POGLUT2: variants seen among roughly 807,000 people sequenced by gnomAD.
POGLUT2 encodes the protein ER protein 58.
Under a neutral mutation model 57.6 loss-of-function variants are expected in POGLUT2, and 47 were observed. The ratio of observed to expected loss-of-function variants is 0.82; its 90% CI spans 0.65 to 1.04. POGLUT2 has a LOEUF of 1.04. Among genes scored for constraint, POGLUT2 ranks in the 50% least tolerant of loss-of-function variants. The pLI is 0.00. For missense variants in POGLUT2, 565 were observed against 614.8 expected (o/e 0.92, Z 0.86); for synonymous variants, 200 against 218.8 (o/e 0.91, Z 0.76).
intron 1 of POGLUT2, 69 bp downstream of exon 1, chr13:102,798,420 A>G (rs1173037137): frequency 4.2e-6 from 6 of 1,428,250 alleles, no homozygotes; most frequent in Middle Eastern, 3.7e-4. Flanking sequence ...TCTTGGAAAG[A>G]AAAATCTTAA....
chr13:102,796,694 AAAAAAATAT>A (rs1185548175), intron 2 of POGLUT2, 101 bp downstream of exon 2: 11 of 155,028 alleles, frequency 7.1e-5, no homozygotes, highest in Non-Finnish European at 9.1e-5. Flanking sequence ...AAAAAAAAAA[AAAAAAATAT>A]ATATATATAT....
At chr13:102,790,255 G>A (rs1015934623) in intron 6 of POGLUT2, among the ~76,000 whole-genome samples, 33 of 152,180 alleles carry the variant, frequency 2.2e-4, no homozygotes, top group Admixed American at 2.0e-3. Context: ...GACAGAACTC[G>A]TTAATCACTT....
chr13:102,787,577 G>A (rs910721231), intron 8 of POGLUT2, among the ~76,000 whole-genome samples: 7 of 152,110 alleles, frequency 4.6e-5, no homozygotes, highest in African/African-American at 1.7e-4. Flanking sequence ...TAGGATCAGA[G>A]GCCAATTTCT....
chr13:102,784,516 C>T lies in POGLUT2; in HGVS notation c.1492-4G>A, dbSNP rs200507003. On this transcript the variant is annotated splice_polypyrimidine_tract_variant and splice_region_variant and intron_variant, in intron 9 of 9. Transcript: ENST00000376004. ...CATATCAGAGTTCATCTTTGGTCTG[C>T]AATTAAGAAGCAAAATATTTAGAGC... The T allele has an allele frequency of 7.2e-6, 11 of 1,528,720 alleles. No homozygotes were observed. The Middle Eastern group carries it at 5.1e-4, about 71-fold the overall frequency. The allele number at this position is 1,528,720 out of a possible 1,614,324, so 94.7% of individuals were successfully genotyped here. A position where few individuals can be genotyped will look rare whatever the true frequency, so the allele number is the denominator to read the frequency against.
intron 9 of POGLUT2, among the ~76,000 whole-genome samples, chr13:102,785,214 G>T (rs1877892204): frequency 6.6e-6 from 1 of 152,118 alleles, no homozygotes; most frequent in Admixed American, 6.6e-5. Context: ...ATGATTCCAA[G>T]CTACCAAAAA....
intron 6 of POGLUT2, among the ~76,000 whole-genome samples, chr13:102,790,682 C>T (rs1878129597): frequency 1.3e-5 from 2 of 152,178 alleles, no homozygotes; most frequent in African/African-American, 4.8e-5. Flanking sequence ...TATCCAGGCT[C>T]CAAACTCCCT....
chr13:102,790,926 T>C lies in POGLUT2; in HGVS notation c.1058A>G (p.His353Arg), dbSNP rs1278487621. The C allele has an allele frequency of 5.6e-6, 9 of 1,609,718 alleles. No homozygotes were observed. The highest frequency in any genetic ancestry group is 1.3e-5 in the African/African-American group (1 of 74,970). ...CTTGAAGAAATCAAAAAATGAAATATGTTTCACAATGGGACCATACAGGTT... is the reference window on the plus strand; with the variant it reads ...CTTGAAGAAATCAAAAAATGAAATACGTTTCACAATGGGACCATACAGGTT... Reference protein sequence around the residue: ...DENLYGPIVKHISFFDFFKHK... With the variant: ...DENLYGPIVKRISFFDFFKHK... Residue 353 changes from histidine (H) to arginine (R), a missense_variant, in exon 6 of 10, where the codon CAT (histidine) becomes CGT (arginine). Coordinates refer to ENST00000376004, the MANE Select transcript of POGLUT2 (RefSeq NM_024089.3).
chr13:102,796,313 T>TAAA (rs1289200864), intron 2 of POGLUT2, among the ~76,000 whole-genome samples: 5 of 128,730 alleles, frequency 3.9e-5, no homozygotes, highest in Non-Finnish European at 1.6e-5. Context: ...AAAAAAAAAA[T>TAAA]AAATAAATAA....
intron 1 of POGLUT2, 140 bp downstream of exon 1, chr13:102,798,349 G>T: frequency 1.5e-6 from 1 of 679,004 alleles, no homozygotes; most frequent in Non-Finnish European, 2.4e-6. Context: ...AATTTCTACA[G>T]CTACAGAGAA....
chr13:102,787,460 T>A (rs1877993155), intron 8 of POGLUT2, among the ~76,000 whole-genome samples: 1 of 151,708 alleles, frequency 6.6e-6, no homozygotes, highest in South Asian at 2.1e-4. Context: ...TCATACAGAG[T>A]CAAGACAAGA....
At chr13:102,785,011 G>A (rs1314994202) in intron 9 of POGLUT2, among the ~76,000 whole-genome samples, 2 of 152,148 alleles carry the variant, frequency 1.3e-5, no homozygotes, top group Non-Finnish European at 2.9e-5. Flanking sequence ...GGCAATTCTT[G>A]TTTTATCATT....
At chr13:102,793,269 T>C (rs1320967768) in intron 4 of POGLUT2, 72 bp downstream of exon 4, 4 of 843,684 alleles carry the variant, frequency 4.7e-6, no homozygotes, top group Non-Finnish European at 8.0e-6. Flanking sequence ...GTATAATTTG[T>C]ATTTTGAAAA....
Position 102,798,939 on chromosome 13 carries a change from G to A in POGLUT2, c.-269C>T, listed in dbSNP as rs1452936199. The A allele has an allele frequency of 2.3e-6, 1 of 429,628 alleles. No individual in the cohort carries two copies. The highest frequency in any genetic ancestry group is 2.0e-5 in the African/African-American group (1 of 48,828). The allele number at this position is 429,628 out of a possible 1,614,324, so 26.6% of individuals were successfully genotyped here. On this transcript the variant is annotated 5_prime_UTR_variant, in exon 1 of 10. Coordinates refer to ENST00000376004, the MANE Select transcript of POGLUT2 (RefSeq NM_024089.3). The stretch of plus-strand genomic sequence containing the variant: ...CGCTGCTCCTCTCTCTCAGGACAAT[G>A]ATGAACTTGAGTTGCTCCTGCCACT...
chr13:102,784,990 C>T (rs548732625), intron 9 of POGLUT2, among the ~76,000 whole-genome samples: 2 of 152,232 alleles, frequency 1.3e-5, no homozygotes, highest in East Asian at 1.9e-4. Context: ...TGAGGGGGAA[C>T]CTTTCGATTT....
Position 102,786,213 on chromosome 13 carries a change from T to C in POGLUT2, c.1491+19A>G. On this transcript the variant is annotated intron_variant, in intron 9 of 9. Transcript: ENST00000376004. ...TTAGTTTTTACTCTGACACCGGCCA[T>C]AAGCTCAGTTCTGGTTACCTTTTTC... 1.3e-6 allele frequency: 2 copies of C among 1,505,860 alleles called. No individual in the cohort carries two copies. The highest frequency in any genetic ancestry group is 1.8e-6 in the Non-Finnish European group (2 of 1,082,116). 93.3% of individuals were successfully genotyped at this position (1,505,860 alleles called of 1,614,324 possible).
intron 6 of POGLUT2, among the ~76,000 whole-genome samples, chr13:102,789,426 T>C (rs1364856034): frequency 6.6e-6 from 1 of 152,228 alleles, no homozygotes; most frequent in Admixed American, 6.5e-5. Flanking sequence ...TTCTCAATTT[T>C]ACAAAGGATA....
chr13:102,787,951 G>GT (rs1379842549), intron 7 of POGLUT2, 28 bp from the exon 8 acceptor site: 2 of 1,436,302 alleles, frequency 1.4e-6, no homozygotes, highest in African/African-American at 2.8e-5. Flanking sequence ...ACAAAATCCT[G>GT]TAATAGAATC....
intron 8 of POGLUT2, 25 bp from the exon 9 acceptor site, chr13:102,786,364 A>G: frequency 6.9e-7 from 1 of 1,447,332 alleles, no homozygotes; most frequent in Non-Finnish European, 9.7e-7. Context: ...ATATAAAAGC[A>G]TTCCTTATAA....
At chr13:102,790,275 C>T (rs1429116283) in intron 6 of POGLUT2, among the ~76,000 whole-genome samples, 2 of 152,226 alleles carry the variant, frequency 1.3e-5, no homozygotes, top group African/African-American at 2.4e-5. Flanking sequence ...TGTCTTCCCA[C>T]ATACAGAGGA....
Sources: allele counts gnomAD v4.1 joint callset (sites outside exome capture counted in the v4.1 genomes callset), GRCh38; gene constraint gnomAD v4.1.1; transcripts MANE v1.5; gene names NCBI Gene and HGNC (gene_info 2026-07-23, HGNC 2026-07-21).